TCHH: variants seen among roughly 807,000 people sequenced by gnomAD.
TCHH encodes the protein trichohyalin.
In TCHH, 6 loss-of-function variants were observed where a neutral mutation model predicts 6.3. The observed-to-expected ratio is 0.95, with a 90% CI of 0.52 to 1.88. The LOEUF (loss-of-function observed/expected upper bound fraction) is 1.88, where lower values mean the gene tolerates loss of function less well. TCHH is among the 40% of genes most tolerant of loss of function. The probability of loss-of-function intolerance (pLI) is 0.01; values close to 1 mark genes in which losing one functional copy is unlikely to be tolerated. For missense variants in TCHH, 2,920 were observed against 2,449.1 expected (o/e 1.19, Z -4.06); for synonymous variants, 1,087 against 963.6 (o/e 1.13, Z -2.37).
chr1:152,106,903 A>G lies in TCHH; in HGVS notation c.*482T>C, dbSNP rs1288376612. On this transcript the variant is annotated 3_prime_UTR_variant, in exon 3 of 3. Coordinates refer to ENST00000614923, the MANE Select transcript of TCHH (RefSeq NM_007113.4). ...GGAATTTGTGCTAACTATGCCACAA[A>G]AGATGAAATGCTGTTTGGAGGCAAT... The G allele has an allele frequency of 6.5e-6, 1 of 153,664 alleles. No individual in the cohort carries two copies. Among genetic ancestry groups the G allele is most frequent in the East Asian group, 1.9e-4 (1 of 5,196 alleles). The allele number at this position is 153,664 out of a possible 1,614,324, so 9.5% of individuals were successfully genotyped here. A position where few individuals can be genotyped will look rare whatever the true frequency, so the allele number is the denominator to read the frequency against.
Position 152,109,142 on chromosome 1 carries a change from C to T in TCHH, c.4075G>A (p.Asp1359Asn), listed in dbSNP as rs763558819. The change falls in exon 3 of 3, where the codon GAC becomes AAC. Residue 1359 changes from aspartate (D) to asparagine (N), a missense_variant. Physicochemically the swap from Asp to Asn is conservative, Grantham distance 23 (BLOSUM62 1). Coordinates refer to ENST00000614923, the MANE Select transcript of TCHH (RefSeq NM_007113.4). ...AGTTCCTCTTCGCGGAATTTTCTGTCACGCTCTTGGCGGCGCAGCGGCTGT... is the reference window on the plus strand; with the variant it reads ...AGTTCCTCTTCGCGGAATTTTCTGTTACGCTCTTGGCGGCGCAGCGGCTGT... ...EEQPLRRQER[D>N]RKFREEELRH... is the part of the protein sequence containing the mutation. 1.2e-6 allele frequency: 2 copies of T among 1,613,826 alleles called. No individual in the cohort carries two copies. The highest frequency in any genetic ancestry group is 2.7e-5 in the African/African-American group (2 of 75,004).
In TCHH at chr1:152,109,938, C is replaced by T. The variant is rs1192023856; in HGVS notation, c.3279G>A (p.Leu1093=). The change falls in exon 3 of 3, where the codon CTG becomes CTA. Residue 1093 remains leucine, a synonymous_variant. Coordinates refer to ENST00000614923, the MANE Select transcript of TCHH (RefSeq NM_007113.4). ...TTCTCTTCTCCGGTTCCTCTCTCAG[C>T]AGCTGCTCTTCCTCCTGCTGCAGCT... ...EEELQQEEEQ[L]LREEPEKRRR... is the part of the protein sequence containing the mutation. 1 of 1,584,674 alleles carries T rather than the reference C, an allele frequency of 6.3e-7. No homozygotes were observed. Among genetic ancestry groups the T allele is most frequent in the Admixed American group, 1.8e-5 (1 of 55,316 alleles).
rs1482257689 is a variant in TCHH, at chr1:152,110,291, C to T, written c.2926G>A (p.Glu976Lys). ...LQQKEEQLLG[E>K]EPEKRRRQER... is the part of the protein sequence containing the mutation. ...TGGCGCCTTCTCTTCTCCGGTTCCTCTCCCAGCAGCTGCTCTTCCTTCTGC... is the reference window on the plus strand; with the variant it reads ...TGGCGCCTTCTCTTCTCCGGTTCCTTTCCCAGCAGCTGCTCTTCCTTCTGC... The change falls in exon 3 of 3, where the codon GAG (glutamate) becomes AAG (lysine). Residue 976 changes from glutamate to lysine, a missense_variant. Glu to Lys is a moderately conservative substitution (Grantham distance 56). Coordinates refer to ENST00000614923, the MANE Select transcript of TCHH (RefSeq NM_007113.4). The T allele has an allele frequency of 6.2e-7, 1 of 1,611,660 alleles. No individual in the cohort carries two copies. The highest frequency in any genetic ancestry group is 8.5e-7 in the Non-Finnish European group (1 of 1,178,982).
Position 152,107,920 on chromosome 1 carries a change from C to T in TCHH, c.5297G>A (p.Arg1766His). 4 of 1,613,746 alleles carry T rather than the reference C, an allele frequency of 2.5e-6. No individual in the cohort carries two copies. The highest frequency in any genetic ancestry group is 3.4e-6 in the Non-Finnish European group (4 of 1,179,924). Residue 1766 changes from arginine (R) to histidine (H), a missense_variant, in exon 3 of 3, where the codon CGC becomes CAC. Transcript: ENST00000614923. ...RPEREEQQLR[R>H]QERDRKFREE... ...GCGGAATTTTCTGTCGCGCTCCTGGCGGCGCAGCTGCTGTTCTTCCCTTTC... is the reference window on the plus strand; with the variant it reads ...GCGGAATTTTCTGTCGCGCTCCTGGTGGCGCAGCTGCTGTTCTTCCCTTTC...
chr1:152,114,173 T>A, intron 1 of TCHH, 62 bp from the exon 2 acceptor site: 1 of 1,214,458 alleles, frequency 8.2e-7, no homozygotes. Flanking sequence ...AAGGCTTCAT[T>A]CACACTATTT....
At chr1:152,115,095 C>G (rs1484881769) in intron 1 of TCHH, among the ~76,000 whole-genome samples, 1 of 152,162 alleles carries the variant, frequency 6.6e-6, no homozygotes, top group African/African-American at 2.4e-5. Context: ...GAACAGAAGG[C>G]TGGCAAACTT....
intron 2 of TCHH, among the ~76,000 whole-genome samples, chr1:152,113,336 T>C (rs1202692668): frequency 6.6e-6 from 1 of 152,152 alleles, no homozygotes; most frequent in Non-Finnish European, 1.5e-5. Flanking sequence ...AGACACAAAG[T>C]AGAATAGCAG....
rs1413460666 is a variant in TCHH, at chr1:152,108,971, A to G, written c.4246T>C (p.Phe1416Leu). Residue 1416 changes from phenylalanine to leucine, a missense_variant, in exon 3 of 3, where the codon TTC becomes CTC. Coordinates refer to ENST00000614923, the MANE Select transcript of TCHH (RefSeq NM_007113.4). ...QQLRQDRDRK[F>L]REEEQQLSRQ... Reference sequence around the variant, plus strand: ...CTCAGCTGCTGTTCCTCCTCGCGGAATTTTCTGTCGCGGTCCTGACGCAGC... The same window carrying G: ...CTCAGCTGCTGTTCCTCCTCGCGGAGTTTTCTGTCGCGGTCCTGACGCAGC... 6.3e-7 allele frequency: 1 copy of G among 1,599,888 alleles called. No homozygotes were observed. Among genetic ancestry groups the G allele is most frequent in the South Asian group, 1.1e-5 (1 of 90,626 alleles).
At position 152,112,458 on chromosome 1, in the gene TCHH, G is replaced by A. The variant is rs1406569706; in HGVS notation, c.759C>T (p.Leu253=). ...CCTGCAACTTCTCTTCTTCCTTCCG[G>A]AGCACTGTCTCGCGCTTCCTCCACT... ...EKEWRKRETV[L]RKEEEKLQEE... The change falls in exon 3 of 3, where the codon CTC becomes CTT. Residue 253 remains leucine, a synonymous_variant. Coordinates refer to ENST00000614923, the MANE Select transcript of TCHH (RefSeq NM_007113.4). The A allele has an allele frequency of 3.1e-6, 5 of 1,613,070 alleles. No homozygotes were observed. In the African/African-American group the frequency reaches 4.0e-5, roughly 13 times the overall value.
At position 152,108,622 on chromosome 1, in the gene TCHH, T is replaced by A. The variant is rs1488268768; in HGVS notation, c.4595A>T (p.Lys1532Ile). 1 of 1,600,778 alleles carries A rather than the reference T, an allele frequency of 6.2e-7. No homozygotes were observed. Among genetic ancestry groups the A allele is most frequent in the East Asian group, 2.3e-5 (1 of 43,464 alleles). ...CAGCTGCTGTTCCTCCTGGAGGAAT[T>A]TTCTCTGCCGTTGCTGGCGGTGCAG... ...QQLHRQQRQR[K>I]FLQEEQQLRR... is the part of the protein sequence containing the mutation. Residue 1532 changes from lysine to isoleucine, a missense_variant, in exon 3 of 3, where the codon AAA becomes ATA. Coordinates refer to ENST00000614923, the MANE Select transcript of TCHH (RefSeq NM_007113.4).
At position 152,107,403 on chromosome 1, in the gene TCHH, T is replaced by C. The variant is rs1490085986; in HGVS notation, c.5814A>G (p.Arg1938=). ...SPLYEYIQEQ[R]SQYRP ...ACATCACTTAAGGGCGGTATTGAGA[T>C]CTCTGCTCTTGGATGTACTCATAGA... The change falls in exon 3 of 3, where the codon AGA becomes AGG. Residue 1938 remains arginine (R), a synonymous_variant. Transcript: ENST00000614923. 1 of 1,574,686 alleles carries C rather than the reference T, an allele frequency of 6.4e-7. No homozygotes were observed. The highest frequency in any genetic ancestry group is 1.4e-5 in the African/African-American group (1 of 73,196).
In TCHH at chr1:152,108,383, G is replaced by C. The variant is rs1342043257; in HGVS notation, c.4834C>G (p.Gln1612Glu). ...TTTCTGTCGCGCTCCTGGCGCAGCT[G>C]TTGTTGGCCCTCCTGGCGGCGCAGC... ...QQLRRQEGQQ[Q>E]LRQERDRKFR... is the part of the protein sequence containing the mutation. Residue 1612 changes from glutamine to glutamate, a missense_variant, in exon 3 of 3, where the codon CAG (glutamine) becomes GAG (glutamate). Gln to Glu is a conservative substitution (Grantham distance 29, BLOSUM62 2). Transcript: ENST00000614923. The C allele has an allele frequency of 1.9e-6, 3 of 1,607,316 alleles. No homozygotes were observed. The highest frequency in any genetic ancestry group is 1.7e-5 in the Admixed American group (1 of 59,476).
At position 152,112,452 on chromosome 1, in the gene TCHH, CT is replaced by C. The variant is rs768953228; in HGVS notation, c.764del (p.Lys255ArgfsTer32). On this transcript the variant is annotated frameshift_variant, in exon 3 of 3. Transcript: ENST00000614923. LOFTEE classifies it low-confidence loss of function (END_TRUNC). Reference protein sequence around the residue: ...EWRKRETVLRKEEEKLQEEEP... With the variant: ...EWRKRETVLRXEEEKLQEEEP... ...CCTCTTCCTGCAACTTCTCTTCTTC[CT>C]TCCGGAGCACTGTCTCGCGCTTCCT... The C allele has an allele frequency of 1.2e-6, 2 of 1,613,806 alleles. No individual in the cohort carries two copies. Among genetic ancestry groups the C allele is most frequent in the South Asian group, 2.2e-5 (2 of 91,072 alleles).
In TCHH at chr1:152,111,217, C is replaced by T; in HGVS notation, c.2000G>A (p.Arg667Lys). ...QRLKREEEEE[R>K]LEQRLKREHE... ...CTCGCGCTTCAGCCGCTGCTCGAGC[C>T]TCTCTTCCTCCTCCTCGCGCTTCAG... Residue 667 changes from arginine (R) to lysine (K), a missense_variant, in exon 3 of 3, where the codon AGG (arginine) becomes AAG (lysine). Transcript: ENST00000614923. The T allele has an allele frequency of 8.7e-6, 14 of 1,611,424 alleles. No individual in the cohort carries two copies. Among genetic ancestry groups the T allele is most frequent in the Non-Finnish European group, 1.2e-5 (14 of 1,179,106 alleles).
rs776675443 is a variant in TCHH, at chr1:152,111,590, C to T, written c.1627G>A (p.Glu543Lys). 1.3e-6 allele frequency: 2 copies of T among 1,567,398 alleles called. No homozygotes were observed. Among genetic ancestry groups the T allele is most frequent in the South Asian group, 1.1e-5 (1 of 89,860 alleles). The change falls in exon 3 of 3, where the codon GAG becomes AAG. Residue 543 changes from glutamate (E) to lysine (K), a missense_variant. Coordinates refer to ENST00000614923, the MANE Select transcript of TCHH (RefSeq NM_007113.4). ...RSEQQLRREQ[E>K]ERREQLLKRE... Reference sequence around the variant, plus strand: ...TTCAGCAGCTGCTCGCGCCTCTCCTCCTGCTCGCGTCTTAGTTGTTGCTCG... The same window carrying T: ...TTCAGCAGCTGCTCGCGCCTCTCCTTCTGCTCGCGTCTTAGTTGTTGCTCG...
chr1:152,107,505 T>A lies in TCHH; in HGVS notation c.5712A>T (p.Gln1904His), dbSNP rs766169831. Residue 1904 changes from glutamine (Q) to histidine (H), a missense_variant, in exon 3 of 3, where the codon CAA (glutamine) becomes CAT (histidine). Coordinates refer to ENST00000614923, the MANE Select transcript of TCHH (RefSeq NM_007113.4). Reference protein sequence around the residue: ...RHRQVGEIKSQEGKGHGRLLE... With the variant: ...RHRQVGEIKSHEGKGHGRLLE... ...GAAGCCGCCCATGGCCCTTCCCTTC[T>A]TGGGATTTTATCTCCCCGACTTGGC... is the stretch of plus-strand genomic sequence containing the variant. 1.9e-6 allele frequency: 3 copies of A among 1,614,244 alleles called. No individual in the cohort carries two copies. In the South Asian group the frequency reaches 3.3e-5, roughly 18 times the overall value.
Position 152,107,801 on chromosome 1 carries a change from C to G in TCHH, c.5416G>C (p.Glu1806Gln). Residue 1806 changes from glutamate to glutamine, a missense_variant, in exon 3 of 3, where the codon GAG (glutamate) becomes CAG (glutamine). By Grantham distance (29) the Glu-to-Gln change is conservative. Coordinates refer to ENST00000614923, the MANE Select transcript of TCHH (RefSeq NM_007113.4). ...GGGCGCAGCTGCTGTTCTTCCCTCT[C>G]CTGGCGTAGCTGTTCCTCCTCGCGG... is the stretch of plus-strand genomic sequence containing the variant. ...KFREEEQLRQ[E>Q]REEQQLRPQQ... 6.2e-7 allele frequency: 1 copy of G among 1,613,708 alleles called. No homozygotes were observed.
In TCHH at chr1:152,106,706, T is replaced by C. The variant is rs373047002; in HGVS notation, c.*679A>G. On this transcript the variant is annotated 3_prime_UTR_variant, in exon 3 of 3. Transcript: ENST00000614923. ...ACCTCATTATTTCTTCATGAGATTA[T>C]GTGTTTAAGTGGAGTTGAGTTTAAA... is the stretch of plus-strand genomic sequence containing the variant. The C allele has an allele frequency of 6.6e-6, 1 of 152,260 alleles. No homozygotes were observed. Among genetic ancestry groups the C allele is most frequent in the Non-Finnish European group, 1.5e-5 (1 of 68,042 alleles). The allele number at this position is 152,260 out of a possible 1,614,324, so 9.4% of individuals were successfully genotyped here. A position where few individuals can be genotyped will look rare whatever the true frequency, so the allele number is the denominator to read the frequency against.
At position 152,111,762 on chromosome 1, in the gene TCHH, G is replaced by A. The variant is rs1356937219; in HGVS notation, c.1455C>T (p.Arg485=). The change falls in exon 3 of 3, where the codon CGC becomes CGT. Residue 485 remains arginine (R), a synonymous_variant. Coordinates refer to ENST00000614923, the MANE Select transcript of TCHH (RefSeq NM_007113.4). The part of the protein sequence containing the change: ...QLKRDQEEER[R]ERWLKLEEEE... ...CCTCCTCGAGCTTCAGCCAACGTTC[G>A]CGCCTCTCCTCCTCCTGGTCGCGCT... 6.4e-7 allele frequency: 1 copy of A among 1,554,640 alleles called. No individual in the cohort carries two copies. Among genetic ancestry groups the A allele is most frequent in the Admixed American group, 1.8e-5 (1 of 54,404 alleles).
Sources: gnomAD v4.1 joint callset for allele counts (sites outside exome capture counted in the v4.1 genomes callset) on GRCh38, gnomAD v4.1.1 for gene constraint, MANE v1.5 for transcripts, NCBI Gene and HGNC (gene_info 2026-07-23, HGNC 2026-07-21) for gene names.